The following SLC30A4 variants were observed in gnomAD, a reference collection of about 807,000 sequenced individuals.
SLC30A4 encodes solute carrier family 30 member 4.
A neutral mutation model predicts 41.7 loss-of-function variants in SLC30A4; 20 were observed. The ratio of observed to expected loss-of-function variants is 0.48; its 90% CI spans 0.34 to 0.70. The LOEUF (loss-of-function observed/expected upper bound fraction) is 0.70, where lower values mean the gene tolerates loss of function less well. SLC30A4 is among the 30% of genes least tolerant of loss of function. The pLI, the probability that SLC30A4 is intolerant of heterozygous loss-of-function variation, is 0.01. For missense variants in SLC30A4, 441 were observed against 529.3 expected (o/e 0.83, Z 1.64); for synonymous variants, 181 against 195.9 (o/e 0.92, Z 0.64).
chr15:45,499,114 A>C (rs1595525257), intron 3 of SLC30A4, among the ~76,000 whole-genome samples: 2 of 137,122 alleles, frequency 1.5e-5, no homozygotes, highest in East Asian at 2.1e-4. Flanking sequence ...ACGGAGTCTC[A>C]CTCTGTCACT....
Position 45,490,779 on chromosome 15 carries a change from T to C in SLC30A4, c.641A>G (p.Asn214Ser), listed in dbSNP as rs1217283320. ...QRTIHMNYEI[N>S]GDIMLITAAV... ...TGCGGTGATGAGCATTATATCTCCA[T>C]TTATTTCATAGTTCATATGGATAGT... The change falls in exon 4 of 8, where the codon AAT becomes AGT. Residue 214 changes from asparagine to serine, a missense_variant. Physicochemically the swap from Asn to Ser is conservative, Grantham distance 46. Around this residue, in one of 3 missense-constraint regions of SLC30A4, gnomAD observed 312 missense variants for 341.9 expected, o/e 0.91. Coordinates refer to ENST00000261867, the MANE Select transcript of SLC30A4 (RefSeq NM_013309.6). 1.2e-6 allele frequency: 2 copies of C among 1,611,480 alleles called. No homozygotes were observed. Among genetic ancestry groups the C allele is most frequent in the Non-Finnish European group, 1.7e-6 (2 of 1,178,448 alleles).
intron 3 of SLC30A4, among the ~76,000 whole-genome samples, chr15:45,494,303 TAAAAG>T (rs1025338413): frequency 1.1e-4 from 17 of 152,236 alleles, no homozygotes; most frequent in African/African-American, 4.1e-4. Flanking sequence ...GTAAATAAGT[TAAAAG>T]AGAAGGTGTA....
intron 3 of SLC30A4, among the ~76,000 whole-genome samples, chr15:45,499,144 A>G (rs1891964818): frequency 6.8e-6 from 1 of 146,212 alleles, no homozygotes; most frequent in African/African-American, 2.6e-5. Flanking sequence ...GTGCAGTGGC[A>G]CCATCTCAGC....
At chr15:45,513,540 A>G (rs910655900) in intron 2 of SLC30A4, among the ~76,000 whole-genome samples, 1 of 152,206 alleles carries the variant, frequency 6.6e-6, no homozygotes, top group African/African-American at 2.4e-5. Context: ...GAATGAAAAC[A>G]TGGACAAAAA....
intron 3 of SLC30A4, among the ~76,000 whole-genome samples, chr15:45,497,571 C>G (rs1350531131): frequency 6.6e-6 from 1 of 151,604 alleles, no homozygotes; most frequent in Admixed American, 6.6e-5. Flanking sequence ...TAAAATACAC[C>G]CTGAATTTCA....
rs1167080863 is a variant in SLC30A4 at position 45,499,780 on chromosome 15, C to T, written c.539-8899G>A. Among the ~76,000 whole-genome samples the T allele has an allele frequency of 1.3e-5, 2 of 152,106 alleles. 1 individual carries two copies. The highest frequency in any genetic ancestry group is 4.8e-5 in the African/African-American group (2 of 41,432). The stretch of plus-strand genomic sequence containing the variant: ...ATTTAAAAATAACTCGCATATGGCC[C>T]CTAACCTGCTCTCCATCTTCCTACA... On this transcript the variant is annotated intron_variant, in intron 3 of 7. Transcript: ENST00000261867.
chr15:45,517,704 T>A (rs894231043), intron 2 of SLC30A4, among the ~76,000 whole-genome samples: 1 of 151,684 alleles, frequency 6.6e-6, no homozygotes, highest in Non-Finnish European at 1.5e-5. Flanking sequence ...ATCCCAGCAC[T>A]TTGGGAGGCC....
chr15:45,517,994 C>G (rs1459650213), intron 2 of SLC30A4, among the ~76,000 whole-genome samples: 1 of 152,180 alleles, frequency 6.6e-6, no homozygotes, highest in Non-Finnish European at 1.5e-5. Context: ...ATCTGGCTTT[C>G]CATTGCACTT....
rs184820155 is a variant in SLC30A4 at position 45,481,059 on chromosome 15, C to T, written c.*4104G>A. On this transcript the variant is annotated 3_prime_UTR_variant, in exon 8 of 8. Coordinates refer to ENST00000261867, the MANE Select transcript of SLC30A4 (RefSeq NM_013309.6). ...CTCACGTGTCTGATCTTGACTATGT[C>T]TATTCTGGAAAGTCTATGAAAGACA... 4.6e-5 allele frequency: 7 copies of T among 152,322 alleles called. No individual in the cohort carries two copies. Among genetic ancestry groups the T allele is most frequent in the Admixed American group, 3.3e-4 (5 of 15,292 alleles). The allele number at this position is 152,322 out of a possible 1,614,324, so 9.4% of individuals were successfully genotyped here. A position where few individuals can be genotyped will look rare whatever the true frequency, so the allele number is the denominator to read the frequency against.
At chr15:45,511,763 G>A (rs931874287) in intron 2 of SLC30A4, among the ~76,000 whole-genome samples, 5 of 152,204 alleles carry the variant, frequency 3.3e-5, no homozygotes, top group Non-Finnish European at 7.3e-5. Flanking sequence ...GATTATAGGC[G>A]TAAGCCAATG....
rs1055990739 is a variant in SLC30A4 at position 45,513,055 on chromosome 15, T to C, written c.392-1771A>G. On this transcript the variant is annotated intron_variant, in intron 2 of 7. Transcript: ENST00000261867. ...TGGCTCACGCCTGTAATCCCAACACTTTGGGAGGCTGAGGCAGGCGGATCA... is the reference window on the plus strand; with the variant it reads ...TGGCTCACGCCTGTAATCCCAACACCTTGGGAGGCTGAGGCAGGCGGATCA... Among the ~76,000 whole-genome samples, 10 of 151,874 alleles carry C rather than the reference T, an allele frequency of 6.6e-5. No homozygotes were observed. The East Asian group carries it at 1.9e-3, about 29-fold the overall frequency.
In SLC30A4 at chr15:45,481,505, T is replaced by A. The variant is rs1210866915; in HGVS notation, c.*3658A>T. The A allele has an allele frequency of 1.3e-5, 2 of 152,242 alleles. No individual in the cohort carries two copies. The highest frequency in any genetic ancestry group is 2.9e-5 in the Non-Finnish European group (2 of 68,038). 9.4% of individuals were successfully genotyped at this position (152,242 alleles called of 1,614,324 possible). ...AGTAACTCTGATTATTTGCAAATAC[T>A]AATTAAAATATATCACACCAAAGAA... On this transcript the variant is annotated 3_prime_UTR_variant, in exon 8 of 8. Transcript: ENST00000261867.
Position 45,485,178 on chromosome 15 carries a change from C to CT in SLC30A4, c.1274dup (p.Ser426GlufsTer3), listed in dbSNP as rs1427782753. 1 of 1,612,102 alleles carries CT rather than the reference C, an allele frequency of 6.2e-7. No homozygotes were observed. Among genetic ancestry groups the CT allele is most frequent in the Non-Finnish European group, 8.5e-7 (1 of 1,179,424 alleles). On this transcript the variant is annotated frameshift_variant, in exon 8 of 8. Transcript: ENST00000261867. LOFTEE classifies it high-confidence loss of function. Reference sequence around the variant, plus strand: ...ATACATAAAATTAGGGACTAGAACTCTGACAATTTGCACAAGTTCTGTCCA... The same window carrying CT: ...ATACATAAAATTAGGGACTAGAACTCTTGACAATTTGCACAAGTTCTGTCCA...
chr15:45,492,752 AAG>A (rs1891834052), intron 3 of SLC30A4, among the ~76,000 whole-genome samples: 1 of 152,168 alleles, frequency 6.6e-6, no homozygotes, highest in Admixed American at 6.5e-5. Flanking sequence ...AAAAAGAAAA[AAG>A]AGAATATATA....
intron 3 of SLC30A4, among the ~76,000 whole-genome samples, chr15:45,499,431 A>T (rs889206204): frequency 4.6e-5 from 7 of 151,866 alleles, no homozygotes; most frequent in Non-Finnish European, 1.0e-4. Flanking sequence ...AATACAAACA[A>T]CTCTGCTTAC....
intron 3 of SLC30A4, chr15:45,496,964 CTG>C (rs1488662223): frequency 6.6e-6 from 1 of 151,824 alleles, no homozygotes; most frequent in Non-Finnish European, 1.5e-5. Context: ...GAGGTCAAGA[CTG>C]TAGTGAGCCT....
chr15:45,493,349 T>G (rs1891847116), intron 3 of SLC30A4, among the ~76,000 whole-genome samples: 1 of 152,218 alleles, frequency 6.6e-6, no homozygotes, highest in South Asian at 2.1e-4. Context: ...AACCTGACAC[T>G]AATCCTGTAA....
At chr15:45,499,319 G>A (rs903208241) in intron 3 of SLC30A4, among the ~76,000 whole-genome samples, 3 of 151,992 alleles carry the variant, frequency 2.0e-5, no homozygotes, top group East Asian at 1.9e-4. Context: ...TGATCTGCCC[G>A]CCTTGGCCTC....
chr15:45,505,155 C>T (rs751022953), intron 3 of SLC30A4, among the ~76,000 whole-genome samples: 10 of 150,632 alleles, frequency 6.6e-5, no homozygotes, highest in Non-Finnish European at 1.0e-4. Context: ...CGCTTGAATC[C>T]GGGAGGTGGA....
Sources: gnomAD v4.1 joint callset for allele counts (sites outside exome capture counted in the v4.1 genomes callset) on GRCh38, gnomAD v4.1.1 for gene constraint, gnomAD v4.1.1 regional missense constraint, MANE v1.5 for transcripts, NCBI Gene and HGNC (gene_info 2026-07-23, HGNC 2026-07-21) for gene names.